Variants in SPINK2 observed in about 807,000 individuals in gnomAD.
SPINK2 encodes serine peptidase inhibitor Kazal type 2, also known as serine protease inhibitor Kazal-type 2.
Under a neutral mutation model 13.5 loss-of-function variants are expected in SPINK2, and 8 were observed. The ratio of observed to expected loss-of-function variants is 0.59; its 90% CI spans 0.35 to 1.07. SPINK2 has a LOEUF of 1.07. Among genes scored for constraint, SPINK2 ranks in the 50% least tolerant of loss-of-function variants. The pLI, the probability that SPINK2 is intolerant of heterozygous loss-of-function variation, is 0.02. For missense variants in SPINK2, 148 were observed against 180.3 expected (o/e 0.82, Z 1.03); for synonymous variants, 76 against 74.7 (o/e 1.02, Z -0.09).
At chr4:56,819,156 G>T (rs1373885584) in intron 2 of SPINK2, among the ~76,000 whole-genome samples, 1 of 152,174 alleles carries the variant, frequency 6.6e-6, no homozygotes, top group African/African-American at 2.4e-5. Flanking sequence ...GGTGTGGCAT[G>T]TAGGTATCTA....
chr4:56,817,519 A>C (rs13435116), intron 2 of SPINK2, among the ~76,000 whole-genome samples: 186 of 152,308 alleles, frequency 1.2e-3, no homozygotes, highest in African/African-American at 4.2e-3. Flanking sequence ...AAAAGGTTGG[A>C]GGATTCACAT....
Position 56,810,063 on chromosome 4 carries a change from GA to G in SPINK2, c.*75del. On this transcript the variant is annotated 3_prime_UTR_variant, in exon 4 of 4. Transcript: ENST00000506738. ...TCATGTAAAGAAACACAGGAAAAGA[GA>G]AAAAGGGGAAATGCAATTTATCTAG... 6.5e-7 allele frequency: 1 copy of G among 1,540,846 alleles called. No homozygotes were observed. The highest frequency in any genetic ancestry group is 2.2e-5 in the Admixed American group (1 of 46,064).
intron 2 of SPINK2, among the ~76,000 whole-genome samples, chr4:56,817,238 AC>A (rs1279285291): frequency 1.3e-5 from 2 of 152,210 alleles, no homozygotes; most frequent in African/African-American, 4.8e-5. Context: ...ATAAATATTT[AC>A]AAAGTGTAAG....
chr4:56,810,931 T>C (rs963029117), intron 3 of SPINK2, among the ~76,000 whole-genome samples: 2 of 152,148 alleles, frequency 1.3e-5, no homozygotes, highest in Non-Finnish European at 2.9e-5. Context: ...TCAGGTGTGC[T>C]ACATGAAGCA....
rs1421371710 is a variant in SPINK2 at position 56,821,560 on chromosome 4, C to T, written c.103G>A (p.Gly35Arg). ...CCGCCGCCGGTCTGACTCCCAAACC[C>T]GCTTTTCTCCGGAGGTCCCCGCTCG... ...PGERGPPEKS[G>R]FGSQTGGGPC... The change falls in exon 1 of 4, where the codon GGG becomes AGG. Residue 35 changes from glycine to arginine, a missense_variant. By Grantham distance (125) the Gly-to-Arg change is moderately radical. Transcript: ENST00000506738. 1.9e-6 allele frequency: 3 copies of T among 1,547,708 alleles called. No individual in the cohort carries two copies. The highest frequency in any genetic ancestry group is 4.9e-5 in the East Asian group (2 of 40,898).
chr4:56,811,512 G>A lies in SPINK2; in HGVS notation c.359+173C>T, dbSNP rs143008420. ...GGTGCCTGTAATCCCAGCTACTCCAGAGGCTGAGGCACAAGAATTGCTTCA... is the reference window on the plus strand; with the variant it reads ...GGTGCCTGTAATCCCAGCTACTCCAAAGGCTGAGGCACAAGAATTGCTTCA... On this transcript the variant is annotated intron_variant, in intron 3 of 3. Coordinates refer to ENST00000506738, the MANE Select transcript of SPINK2 (RefSeq NM_001271718.2). Among the ~76,000 whole-genome samples the A allele has an allele frequency of 6.7e-3, 1,012 of 151,986 alleles. 15 individuals carry two copies. Among genetic ancestry groups the A allele is most frequent in the African/African-American group, 0.022 (926 of 41,470 alleles).
At chr4:56,813,331 AC>A (rs910320447) in intron 2 of SPINK2, among the ~76,000 whole-genome samples, 17 of 151,706 alleles carry the variant, frequency 1.1e-4, no homozygotes, top group Admixed American at 8.5e-4. Context: ...CAAAAAAATT[AC>A]GAATTAAAAT....
At position 56,810,091 on chromosome 4, in the gene SPINK2, C is replaced by T. The variant is rs534181768; in HGVS notation, c.*48G>A. On this transcript the variant is annotated 3_prime_UTR_variant, in exon 4 of 4. Transcript: ENST00000506738. ...AAAGGGGAAATGCAATTTATCTAGTCTGCCAGTGAAGGTGGTCTCTCCATC... is the reference window on the plus strand; with the variant it reads ...AAAGGGGAAATGCAATTTATCTAGTTTGCCAGTGAAGGTGGTCTCTCCATC... The T allele has an allele frequency of 7.0e-6, 11 of 1,570,030 alleles. No homozygotes were observed. In the East Asian group the frequency reaches 2.3e-4, roughly 33 times the overall value.
At chr4:56,821,749 G>C (rs1406892305), upstream of SPINK2, 2 of 1,328,554 alleles carry the variant, frequency 1.5e-6, no homozygotes, top group African/African-American at 1.6e-5. Flanking sequence ...CGCGGGGAGG[G>C]CGGGGGAAGG....
chr4:56,820,646 T>G, intron 1 of SPINK2, 67 bp from the exon 2 acceptor site: 1 of 1,406,916 alleles, frequency 7.1e-7, no homozygotes, highest in Non-Finnish European at 9.9e-7. Flanking sequence ...ATGAAGTTTT[T>G]TTTTTTTTTA....
chr4:56,811,882 T>A, intron 2 of SPINK2, 88 bp from the exon 3 acceptor site: 1 of 507,742 alleles, frequency 2.0e-6, no homozygotes, highest in East Asian at 3.6e-5. Flanking sequence ...CAGATCTCCC[T>A]AGATTTCCTA....
At chr4:56,821,750 C>T, upstream of SPINK2, 3 of 1,190,190 alleles carry the variant, frequency 2.5e-6, no homozygotes, top group Non-Finnish European at 2.2e-6. Flanking sequence ...GCGGGGAGGG[C>T]GGGGGAAGGG....
chr4:56,816,553 G>A (rs1346891868), intron 2 of SPINK2, among the ~76,000 whole-genome samples: 1 of 151,852 alleles, frequency 6.6e-6, no homozygotes, highest in Non-Finnish European at 1.5e-5. Context: ...TCGGGAGGCT[G>A]AGGCAGGAGA....
chr4:56,816,885 A>T (rs7692598), intron 2 of SPINK2, among the ~76,000 whole-genome samples: 96,830 of 149,770 alleles, frequency 0.65, 31,873 homozygotes, highest in African/African-American at 0.75. Context: ...CTCAAAAAAA[A>T]AAAATAAAAT....
intron 1 of SPINK2, 25 bp downstream of exon 1, chr4:56,821,433 C>A: frequency 1.3e-6 from 2 of 1,491,824 alleles, no homozygotes; most frequent in South Asian, 1.3e-5. Flanking sequence ...GCCACCCCCA[C>A]AACCCCCAGT....
intron 2 of SPINK2, among the ~76,000 whole-genome samples, chr4:56,817,970 C>T (rs915081606): frequency 1.3e-5 from 2 of 151,966 alleles, no homozygotes; most frequent in Admixed American, 1.3e-4. Flanking sequence ...TCTCTGTGGG[C>T]AATGAGAAGT....
intron 2 of SPINK2, chr4:56,818,385 G>T (rs1440254478): frequency 6.6e-6 from 1 of 152,104 alleles, no homozygotes; most frequent in African/African-American, 2.4e-5. Flanking sequence ...CAGGCCGGGA[G>T]CGGTGGCTCA....
At position 56,811,937 on chromosome 4, in the gene SPINK2, CTTTTTTTTT is replaced by C. The variant is rs375969300; in HGVS notation, c.250-152_250-144del. The C allele has an allele frequency of 1.4e-4, 25 of 174,084 alleles. No homozygotes were observed. In the East Asian group the frequency reaches 3.3e-3, roughly 23 times the overall value. 10.8% of individuals were successfully genotyped at this position (174,084 alleles called of 1,614,324 possible). A position where few individuals can be genotyped will look rare whatever the true frequency, so the allele number is the denominator to read the frequency against. ...TTTTTATTTTCCAGAAAAATTTTTT[CTTTTTTTTT>C]TTTTTTTTTTGAGACAGAGTCTCGC... On this transcript the variant is annotated intron_variant, in intron 2 of 3. Coordinates refer to ENST00000506738, the MANE Select transcript of SPINK2 (RefSeq NM_001271718.2).
At chr4:56,820,891 T>C (rs1055416228) in intron 1 of SPINK2, among the ~76,000 whole-genome samples, 1 of 152,184 alleles carries the variant, frequency 6.6e-6, no homozygotes, top group Non-Finnish European at 1.5e-5. Context: ...GGATATTCAG[T>C]TTTTTATGGC....
Sources: allele counts gnomAD v4.1 joint callset (sites outside exome capture counted in the v4.1 genomes callset), GRCh38; gene constraint gnomAD v4.1.1; transcripts MANE v1.5; gene names NCBI Gene and HGNC (gene_info 2026-07-23, HGNC 2026-07-21).